MAD1L1: variants seen among roughly 807,000 people sequenced by gnomAD.
MAD1L1 encodes mitotic arrest deficient 1 like 1, also known as mitotic spindle assembly checkpoint protein MAD1.
MAD1L1 carries 95 observed loss-of-function variants against 96.9 expected under a neutral mutation model. The observed-to-expected ratio is 0.98, with a 90% CI of 0.83 to 1.16. The LOEUF (loss-of-function observed/expected upper bound fraction) is 1.16, where lower values mean the gene tolerates loss of function less well. MAD1L1 is among the 50% of genes most tolerant of loss of function. The pLI is 0.00. For missense variants in MAD1L1, 1,007 were observed against 954.4 expected, an observed-to-expected ratio of 1.06 and a Z score of -0.73; for synonymous variants, 473 against 396.6, an observed-to-expected ratio of 1.19 and a Z score of -2.29.
At position 1,936,644 on chromosome 7, in the gene MAD1L1, G is replaced by A. The variant is rs148204212; in HGVS notation, c.1807+43C>T. On this transcript the variant is annotated intron_variant, in intron 17 of 18. Transcript: ENST00000265854. ...AAGGCGCACGGATGGACCTACCCAC[G>A]GAAGGTCGAGGATGGCAGGGACCGG... is the stretch of plus-strand genomic sequence containing the variant. 1.6e-3 allele frequency: 2,453 copies of A among 1,530,090 alleles called. 3 individuals carry two copies. The highest frequency in any genetic ancestry group is 2.0e-3 in the Non-Finnish European group (2,244 of 1,138,180). The allele number at this position is 1,530,090 out of a possible 1,614,324, so 94.8% of individuals were successfully genotyped here.
intron 14 of MAD1L1, among the ~76,000 whole-genome samples, chr7:1,995,427 T>C (rs139137186): frequency 6.6e-6 from 1 of 152,108 alleles, no homozygotes; most frequent in Non-Finnish European, 1.5e-5. Context: ...CCCCGCTTCC[T>C]CTCTCCACCC....
At chr7:2,155,530 AC>A (rs1185533719) in intron 10 of MAD1L1, among the ~76,000 whole-genome samples, 3 of 151,936 alleles carry the variant, frequency 2.0e-5, no homozygotes. Flanking sequence ...TAAGAATGCG[AC>A]CACTCCAGCC....
intron 3 of MAD1L1, 59 bp from the exon 4 acceptor site, chr7:2,225,609 A>G (rs1351426828): frequency 3.2e-5 from 50 of 1,572,370 alleles, no homozygotes; most frequent in Non-Finnish European, 4.2e-5. Context: ...AAACCAGGTG[A>G]GTGACTCAGT....
chr7:2,124,982 G>A (rs998584876), intron 11 of MAD1L1, among the ~76,000 whole-genome samples: 10 of 152,184 alleles, frequency 6.6e-5, no homozygotes, highest in African/African-American at 2.4e-4. Context: ...CATGGGCATG[G>A]CTGAGGGCAC....
intron 7 of MAD1L1, among the ~76,000 whole-genome samples, chr7:2,216,856 C>T (rs1793309488): frequency 1.3e-5 from 2 of 152,230 alleles, no homozygotes; most frequent in Non-Finnish European, 2.9e-5. Flanking sequence ...CCTCAGGACT[C>T]TCCTGTGGGA....
intron 11 of MAD1L1, among the ~76,000 whole-genome samples, chr7:2,105,001 G>A (rs1310645913): frequency 1.3e-5 from 2 of 152,230 alleles, no homozygotes; most frequent in South Asian, 2.1e-4. Flanking sequence ...GCCTGGAGAT[G>A]GGATTCCTGG....
At chr7:1,870,830 CA>C (rs1447658253) in intron 18 of MAD1L1, among the ~76,000 whole-genome samples, 3 of 15,296 alleles carry the variant, frequency 2.0e-4, no homozygotes, top group East Asian at 1.8e-3. Context: ...CCGACCATAA[CA>C]CCTGCCACGC....
At chr7:2,068,839 G>T (rs558665919) in intron 12 of MAD1L1, among the ~76,000 whole-genome samples, 1 of 152,306 alleles carries the variant, frequency 6.6e-6, no homozygotes, top group East Asian at 1.9e-4. Context: ...AGTGTAAATG[G>T]CATCACTGGA....
At position 2,225,502 on chromosome 7, in the gene MAD1L1, C is replaced by A; in HGVS notation, c.199G>T (p.Val67Leu). Residue 67 changes from valine (V) to leucine (L), a missense_variant, in exon 4 of 19, where the codon GTG becomes TTG. Physicochemically the swap from Val to Leu is conservative, Grantham distance 32. Coordinates refer to ENST00000265854, the MANE Select transcript of MAD1L1 (RefSeq NM_001013836.2). The stretch of plus-strand genomic sequence containing the variant: ...TCCATCTGCATTTTCTCCCGCTCCA[C>A]CTGGATGAGGTGGGACTTCGAACGG... ...QIRSKSHLIQVEREKMQMELS... is the reference protein window; with the variant it reads ...QIRSKSHLIQLEREKMQMELS... 4 of 1,614,150 alleles carry A rather than the reference C, an allele frequency of 2.5e-6. No individual in the cohort carries two copies. The highest frequency in any genetic ancestry group is 3.4e-6 in the Non-Finnish European group (4 of 1,180,042).
At chr7:2,017,168 TG>T (rs1407661007) in intron 12 of MAD1L1, among the ~76,000 whole-genome samples, 1 of 152,240 alleles carries the variant, frequency 6.6e-6, no homozygotes, top group Non-Finnish European at 1.5e-5. Flanking sequence ...GGTGTGGGTG[TG>T]ACTTGCTATG....
chr7:1,942,227 C>T (rs1779034245), intron 16 of MAD1L1, among the ~76,000 whole-genome samples: 1 of 152,202 alleles, frequency 6.6e-6, no homozygotes, highest in African/African-American at 2.4e-5. Flanking sequence ...ACAGAGGAGC[C>T]TCCTGGGCCA....
chr7:2,019,711 C>T (rs1782699788), intron 12 of MAD1L1, among the ~76,000 whole-genome samples: 1 of 151,542 alleles, frequency 6.6e-6, no homozygotes, highest in South Asian at 2.1e-4. Flanking sequence ...CGCAAGGCCA[C>T]GCCTCACCAC....
chr7:2,168,869 G>T (rs1377646713), intron 10 of MAD1L1, among the ~76,000 whole-genome samples: 1 of 152,250 alleles, frequency 6.6e-6, no homozygotes, highest in East Asian at 1.9e-4. Flanking sequence ...AGTGTGCTAA[G>T]GAGCCAGGGA....
chr7:1,970,927 G>A (rs1780375280), intron 15 of MAD1L1, among the ~76,000 whole-genome samples: 1 of 152,140 alleles, frequency 6.6e-6, no homozygotes, highest in Non-Finnish European at 1.5e-5. Context: ...GGTACTCGCC[G>A]ACCATGAACT....
chr7:1,930,730 C>G (rs1446245378), intron 17 of MAD1L1, among the ~76,000 whole-genome samples: 1 of 151,592 alleles, frequency 6.6e-6, no homozygotes, highest in Admixed American at 6.6e-5. Context: ...TGTGAGGGGA[C>G]TCCCCTGGGA....
intron 10 of MAD1L1, among the ~76,000 whole-genome samples, chr7:2,154,593 G>C (rs776680465): frequency 3.3e-5 from 5 of 151,872 alleles, no homozygotes; most frequent in Non-Finnish European, 7.4e-5. Context: ...AATATCACAG[G>C]TACTCCATAA....
chr7:1,896,398 G>A (rs1045795812), intron 18 of MAD1L1, among the ~76,000 whole-genome samples: 3 of 152,168 alleles, frequency 2.0e-5, no homozygotes, highest in African/African-American at 4.8e-5. Context: ...AGGGTATGAC[G>A]GGGATGGACC....
intron 17 of MAD1L1, among the ~76,000 whole-genome samples, chr7:1,914,322 T>C (rs994779568): frequency 6.6e-6 from 1 of 152,222 alleles, no homozygotes; most frequent in Admixed American, 6.5e-5. Context: ...GGGGCAGGGA[T>C]GGTGAGACCA....
intron 10 of MAD1L1, among the ~76,000 whole-genome samples, chr7:2,153,778 C>T (rs917399003): frequency 6.6e-6 from 1 of 152,160 alleles, no homozygotes; most frequent in African/African-American, 2.4e-5. Flanking sequence ...GGCAAAGATA[C>T]GGAATTAACC....
Sources: gnomAD v4.1 joint callset for allele counts (sites outside exome capture counted in the v4.1 genomes callset) on GRCh38, gnomAD v4.1.1 for gene constraint, MANE v1.5 for transcripts, NCBI Gene and HGNC (gene_info 2026-07-23, HGNC 2026-07-21) for gene names.